ASL: variants seen among roughly 807,000 people sequenced by gnomAD.
The protein encoded by ASL is argininosuccinate lyase, also known as argininosuccinase.
ASL carries 51 observed loss-of-function variants against 69.1 expected under a neutral mutation model. The observed-to-expected ratio is 0.74, with a 90% CI of 0.59 to 0.93. ASL has a LOEUF of 0.93. ASL is among the 40% of genes least tolerant of loss of function. The pLI is 0.00. For missense variants in ASL, 540 were observed against 623.9 expected, an observed-to-expected ratio of 0.87 and a Z score of 1.43; for synonymous variants, 241 against 247.6, an observed-to-expected ratio of 0.97 and a Z score of 0.25.
rs150418929 is a variant in ASL at position 66,082,542 on chromosome 7, C to T, written c.291+91C>T. On this transcript the variant is annotated intron_variant, in intron 4 of 16. Transcript: ENST00000304874. Reference sequence around the variant, plus strand: ...AGCATTAGCACCATTCTGTTTACTTCGCCATTGGCAGACAGCATGTGAGAC... The same window carrying T: ...AGCATTAGCACCATTCTGTTTACTTTGCCATTGGCAGACAGCATGTGAGAC... 2.2e-3 allele frequency: 3,129 copies of T among 1,406,548 alleles called. 4 individuals carry two copies. The highest frequency in any genetic ancestry group is 2.7e-3 in the Non-Finnish European group (2,781 of 1,015,320). The allele number at this position is 1,406,548 out of a possible 1,614,324, so 87.1% of individuals were successfully genotyped here.
At chr7:66,086,522 C>G (rs1306126559) in intron 6 of ASL, 63 bp from the exon 7 acceptor site, 2 of 1,571,286 alleles carry the variant, frequency 1.3e-6, no homozygotes, top group Middle Eastern at 2.0e-4. Context: ...CTGCAGGGTT[C>G]CAGTGTCACA....
chr7:66,088,748 G>A, intron 10 of ASL, 59 bp from the exon 11 acceptor site: 2 of 1,466,102 alleles, frequency 1.4e-6, no homozygotes, highest in Non-Finnish European at 9.5e-7. Flanking sequence ...CCTGCCCCCT[G>A]TATGGTCAGG....
chr7:66,087,943 GGCATGGTGGTTCA>G, intron 10 of ASL, 152 bp downstream of exon 10: 1 of 1,011,370 alleles, frequency 9.9e-7, no homozygotes, highest in East Asian at 2.7e-5. Flanking sequence ...AAGTGGGTGG[GGCATGGTGGTTCA>G]CCATGCCCAG....
rs1786513163 is a variant in ASL at position 66,081,872 on chromosome 7, A to G, written c.82A>G (p.Ile28Val). The part of the protein sequence containing the change: ...DPIMEKFNAS[I>V]AYDRHLWEVD... ...CATCATGGAGAAGTTCAACGCGTCC[A>G]TTGCCTACGACCGGCACCTTTGGGA... The change falls in exon 3 of 17, where the codon ATT (isoleucine) becomes GTT (valine). Residue 28 changes from isoleucine to valine, a missense_variant. Coordinates refer to ENST00000304874, the MANE Select transcript of ASL (RefSeq NM_000048.4). The G allele has an allele frequency of 3.1e-6, 5 of 1,613,976 alleles. No individual in the cohort carries two copies. Among genetic ancestry groups the G allele is most frequent in the Non-Finnish European group, 4.2e-6 (5 of 1,180,044 alleles).
chr7:66,091,121 G>GAAAA (rs1786832131), intron 14 of ASL, among the ~76,000 whole-genome samples: 1 of 145,774 alleles, frequency 6.9e-6, no homozygotes, highest in African/African-American at 2.5e-5. Flanking sequence ...AAAAAAAAAG[G>GAAAA]CAGTGTTTCT....
At chr7:66,084,358 T>C (rs1190315532) in intron 6 of ASL, among the ~76,000 whole-genome samples, 1 of 151,946 alleles carries the variant, frequency 6.6e-6, no homozygotes. Flanking sequence ...AGATGGGTTT[T>C]GCCATGTTGA....
At chr7:66,086,910 G>T in intron 8 of ASL, 89 bp downstream of exon 8, 1 of 1,441,572 alleles carries the variant, frequency 6.9e-7, no homozygotes, top group Non-Finnish European at 9.4e-7. Context: ...TGCAGAGTGG[G>T]ACAGAAAACC....
At chr7:66,082,826 G>C (rs947277358) in intron 4 of ASL, 54 bp from the exon 5 acceptor site, 4 of 1,609,398 alleles carry the variant, frequency 2.5e-6, no homozygotes, top group Non-Finnish European at 2.5e-6. Context: ...GCCCTGCCTG[G>C]GTTGACTCCT....
At chr7:66,077,189 G>C (rs1244936610) in intron 2 of ASL, among the ~76,000 whole-genome samples, 1 of 152,170 alleles carries the variant, frequency 6.6e-6, no homozygotes, top group Non-Finnish European at 1.5e-5. Flanking sequence ...TCTACTTTGG[G>C]AGGCCGAGGC....
intron 15 of ASL, 101 bp from the exon 16 acceptor site, chr7:66,092,455 CA>C: frequency 9.2e-7 from 1 of 1,088,388 alleles, no homozygotes; most frequent in Non-Finnish European, 1.3e-6. Context: ...GACTTTGTGT[CA>C]AAAAGAAAAA....
chr7:66,089,826 C>T, intron 14 of ASL, 131 bp downstream of exon 14: 2 of 953,122 alleles, frequency 2.1e-6, no homozygotes, highest in African/African-American at 1.6e-5. Context: ...GGTGTGCTCG[C>T]TCCTGCTCCT....
chr7:66,083,324 G>A, intron 6 of ASL, 150 bp downstream of exon 6: 1 of 779,830 alleles, frequency 1.3e-6, no homozygotes, highest in South Asian at 1.6e-5. Flanking sequence ...AGAGCAGCCA[G>A]GAGTGGGCCA....
At position 66,084,294 on chromosome 7, in the gene ASL, A is replaced by G. The variant is rs367642339; in HGVS notation, c.446+1120A>G. ...AGTGCCTCAGCCTCCCAAGTAGCTG[A>G]GATTACAGGTGTGCACCACCATGTC... is the stretch of plus-strand genomic sequence containing the variant. On this transcript the variant is annotated intron_variant, in intron 6 of 16. Transcript: ENST00000304874. Among the ~76,000 whole-genome samples, 19 of 150,216 alleles carry G rather than the reference A, an allele frequency of 1.3e-4. No individual in the cohort carries two copies. In the South Asian group the frequency reaches 3.8e-3, roughly 30 times the overall value.
At chr7:66,087,567 A>G in intron 9 of ASL, 162 bp from the exon 10 acceptor site, 1 of 974,356 alleles carries the variant, frequency 1.0e-6, no homozygotes, top group South Asian at 1.4e-5. Flanking sequence ...CCTGGTACTG[A>G]GAGACTCAGG....
At chr7:66,084,844 C>G (rs1262687171) in intron 6 of ASL, among the ~76,000 whole-genome samples, 1 of 152,156 alleles carries the variant, frequency 6.6e-6, no homozygotes, top group Admixed American at 6.6e-5. Flanking sequence ...TGGTCTCAAT[C>G]TCCCGACCTC....
In ASL at chr7:66,086,684, G is replaced by A. The variant is rs749857218; in HGVS notation, c.524+22G>A. 9 of 1,613,528 alleles carry A rather than the reference G, an allele frequency of 5.6e-6. 1 individual carries two copies. The South Asian group carries it at 8.8e-5, about 16-fold the overall frequency. ...TGAGGTGAGCCAGGTGAGGTGCAGG[G>A]GCTGTGCTAGAGGGGAGGACCCCGG... On this transcript the variant is annotated intron_variant, in intron 7 of 16. Transcript: ENST00000304874.
rs765123348 is a variant in ASL, at chr7:66,082,909, G to A, written c.321G>A (p.Leu107=). The change falls in exon 5 of 17, where the codon CTG becomes CTA. Residue 107 remains leucine (L), a synonymous_variant. Transcript: ENST00000304874. ...TCATTGGTGCAACGGCAGGGAAGCTGCACACGGGACGGAGCCGGAATGACC... is the reference window on the plus strand; with the variant it reads ...TCATTGGTGCAACGGCAGGGAAGCTACACACGGGACGGAGCCGGAATGACC... ...KELIGATAGK[L]HTGRSRNDQV... is the part of the protein sequence containing the mutation. 1.9e-6 allele frequency: 3 copies of A among 1,613,710 alleles called. No homozygotes were observed. The highest frequency in any genetic ancestry group is 2.5e-6 in the Non-Finnish European group (3 of 1,179,992).
chr7:66,081,952 C>T lies in ASL; in HGVS notation c.162C>T (p.Leu54=), dbSNP rs140221164. Residue 54 remains leucine, a synonymous_variant, in exon 3 of 17, where the codon CTC becomes CTT. Transcript: ENST00000304874. ...AYSRGLEKAG[L]LTKAEMDQIL... The stretch of plus-strand genomic sequence containing the variant: ...GCAGGGGCCTGGAGAAGGCAGGGCT[C>T]CTCACCAAGGCCGAGATGGACCAGA... 2.5e-3 allele frequency: 3,981 copies of T among 1,613,412 alleles called. 9 individuals are homozygous for T. Among genetic ancestry groups the T allele is most frequent in the Non-Finnish European group, 2.3e-3 (2,754 of 1,179,856 alleles).
chr7:66,088,998 C>T (rs993315052), intron 11 of ASL, 77 bp downstream of exon 11: 3 of 1,607,240 alleles, frequency 1.9e-6, no homozygotes, highest in African/African-American at 2.7e-5. Context: ...TGGCTGCCTT[C>T]CTCCCCGTCC....
Sources: allele counts gnomAD v4.1 joint callset (sites outside exome capture counted in the v4.1 genomes callset), GRCh38; gene constraint gnomAD v4.1.1; transcripts MANE v1.5; gene names NCBI Gene and HGNC (gene_info 2026-07-23, HGNC 2026-07-21).